The following CMSS1 variants were observed in gnomAD, a reference collection of about 807,000 sequenced individuals.
CMSS1 encodes cms1 ribosomal small subunit homolog.
In CMSS1, 33 loss-of-function variants were observed where a neutral mutation model predicts 43.5. The ratio of observed to expected loss-of-function variants is 0.76; its 90% CI spans 0.57 to 1.01. The LOEUF is 1.01. Ranked by LOEUF, CMSS1 falls within the 50% of genes least tolerant of loss-of-function variation. The pLI, the probability that CMSS1 is intolerant of heterozygous loss-of-function variation, is 0.00. For synonymous variants in CMSS1, 115 were observed against 117.2 expected, an observed-to-expected ratio of 0.98 and a Z score of 0.12; for missense variants, 313 against 326.4, an observed-to-expected ratio of 0.96 and a Z score of 0.32.
At chr3:100,012,974 T>C in intron 1 of CMSS1, among the ~76,000 whole-genome samples, 1 of 151,928 alleles carries the variant, frequency 6.6e-6, no homozygotes, top group South Asian at 2.1e-4. Context: ...TTTATTTATT[T>C]ATTTGGAGAG....
intron 1 of CMSS1, among the ~76,000 whole-genome samples, chr3:99,948,778 G>A (rs1352686107): frequency 2.0e-5 from 3 of 149,790 alleles, no homozygotes; most frequent in African/African-American, 7.5e-5. Flanking sequence ...AAGAAAAAGA[G>A]AAAGGAAAGA....
At chr3:99,849,358 C>T in intron 1 of CMSS1, 1 of 1,614,122 alleles carries the variant, frequency 6.2e-7, no homozygotes, top group Non-Finnish European at 8.5e-7. Flanking sequence ...ATGCCGGTAC[C>T]TCTCTAACTC....
intron 1 of CMSS1, among the ~76,000 whole-genome samples, chr3:99,857,359 C>T (rs905268787): frequency 1.3e-5 from 2 of 152,214 alleles, no homozygotes; most frequent in Admixed American, 6.5e-5. Flanking sequence ...CTTCAGATCC[C>T]TGCATTAGAA....
chr3:100,159,243 G>A (rs1423073226), intron 2 of CMSS1, among the ~76,000 whole-genome samples: 1 of 152,180 alleles, frequency 6.6e-6, no homozygotes, highest in Non-Finnish European at 1.5e-5. Flanking sequence ...TTATCTTAGA[G>A]GAAACTAAAA....
chr3:99,847,972 C>T lies in CMSS1; in HGVS notation c.64+29929C>T, dbSNP rs1032570932. ...ACTGTTTTATAATGTTAAAGTATTT[C>T]ACCAAGACAAGTTGCAGTCAAATTA... is the stretch of plus-strand genomic sequence containing the variant. On this transcript the variant is annotated intron_variant, in intron 1 of 9. Transcript: ENST00000421999. 1.2e-5 allele frequency: 13 copies of T among 1,052,814 alleles called. No individual in the cohort carries two copies. The Admixed American group carries it at 1.5e-4, about 12-fold the overall frequency. 65.2% of individuals were successfully genotyped at this position (1,052,814 alleles called of 1,614,324 possible).
chr3:100,084,974 C>G (rs1458895492), intron 1 of CMSS1, among the ~76,000 whole-genome samples: 1 of 152,188 alleles, frequency 6.6e-6, no homozygotes, highest in African/African-American at 2.4e-5. Flanking sequence ...CATTCTCTGT[C>G]CATGTCTTTA....
chr3:99,883,345 T>G (rs935758838), intron 1 of CMSS1, among the ~76,000 whole-genome samples: 22 of 152,240 alleles, frequency 1.4e-4, no homozygotes, highest in Admixed American at 5.9e-4. Flanking sequence ...AAAAGTCTTT[T>G]AAATATTTGA....
intron 1 of CMSS1, among the ~76,000 whole-genome samples, chr3:100,070,027 C>T (rs964627101): frequency 1.3e-5 from 2 of 151,954 alleles, no homozygotes; most frequent in African/African-American, 2.4e-5. Flanking sequence ...AAATAAAAAA[C>T]TCATGCGTTA....
At chr3:99,986,467 C>T (rs372598837) in intron 1 of CMSS1, among the ~76,000 whole-genome samples, 12 of 152,026 alleles carry the variant, frequency 7.9e-5, no homozygotes, top group Non-Finnish European at 1.5e-4. Context: ...ATACTAGTGA[C>T]GGTTAGTTTT....
chr3:100,096,783 A>G (rs1438970905), intron 1 of CMSS1, among the ~76,000 whole-genome samples: 1 of 152,232 alleles, frequency 6.6e-6, no homozygotes, highest in East Asian at 1.9e-4. Context: ...ATTGTTTGTA[A>G]CACAAAGGAT....
At position 100,181,166 on chromosome 3, in the gene CMSS1, C is replaced by G. The variant is rs2067182290; in HGVS notation, c.*2778C>G. The stretch of plus-strand genomic sequence containing the variant: ...CCCAACACTGGGAATTACAATTCGA[C>G]ATGAAACTTGGGTGGGGACACAGCC... On this transcript the variant is annotated 3_prime_UTR_variant, in exon 10 of 10. Coordinates refer to ENST00000421999, the MANE Select transcript of CMSS1 (RefSeq NM_032359.4). 1 of 152,206 alleles carries G rather than the reference C, an allele frequency of 6.6e-6. No homozygotes were observed. Among genetic ancestry groups the G allele is most frequent in the Non-Finnish European group, 1.5e-5 (1 of 68,042 alleles). The allele number at this position is 152,206 out of a possible 1,614,324, so 9.4% of individuals were successfully genotyped here.
chr3:100,101,797 T>G (rs1245947600), intron 1 of CMSS1, among the ~76,000 whole-genome samples: 1 of 151,844 alleles, frequency 6.6e-6, no homozygotes, highest in Admixed American at 6.6e-5. Context: ...CAGGCCCCAG[T>G]GTGTGATGTT....
intron 1 of CMSS1, among the ~76,000 whole-genome samples, chr3:100,026,873 A>T (rs535361456): frequency 6.6e-6 from 1 of 152,148 alleles, no homozygotes; most frequent in African/African-American, 2.4e-5. Flanking sequence ...ACAATCCTCC[A>T]AAGTCTCCGC....
chr3:100,145,572 C>T (rs1480282971), intron 1 of CMSS1, among the ~76,000 whole-genome samples: 1 of 152,182 alleles, frequency 6.6e-6, no homozygotes, highest in African/African-American at 2.4e-5. Flanking sequence ...GCCAGCCCAG[C>T]CCTAAGATCT....
intron 1 of CMSS1, among the ~76,000 whole-genome samples, chr3:100,118,714 A>G (rs1196248727): frequency 6.6e-6 from 1 of 152,168 alleles, no homozygotes; most frequent in Admixed American, 6.5e-5. Context: ...GTTGACCCCT[A>G]GGACAGAAAC....
At chr3:100,073,400 C>A (rs1317579958) in intron 1 of CMSS1, among the ~76,000 whole-genome samples, 1 of 152,120 alleles carries the variant, frequency 6.6e-6, no homozygotes, top group Non-Finnish European at 1.5e-5. Flanking sequence ...GCAAGCTGTC[C>A]TGTCATGAAA....
intron 1 of CMSS1, among the ~76,000 whole-genome samples, chr3:99,920,321 CT>C (rs1433185582): frequency 6.6e-6 from 1 of 151,956 alleles, no homozygotes; most frequent in African/African-American, 2.4e-5. Context: ...AATATGCAAG[CT>C]TTTTTGAAAG....
At chr3:100,074,135 A>T (rs1480153783) in intron 1 of CMSS1, among the ~76,000 whole-genome samples, 2 of 152,150 alleles carry the variant, frequency 1.3e-5, no homozygotes, top group East Asian at 3.9e-4. Context: ...CTGTAACCTC[A>T]AAAAGAGCTG....
intron 1 of CMSS1, among the ~76,000 whole-genome samples, chr3:100,024,373 C>T (rs1045337338): frequency 1.3e-5 from 2 of 152,054 alleles, no homozygotes; most frequent in African/African-American, 4.8e-5. Flanking sequence ...TAAATTTTGG[C>T]CCCTATAGAG....
Sources: allele counts gnomAD v4.1 joint callset (sites outside exome capture counted in the v4.1 genomes callset), GRCh38; gene constraint gnomAD v4.1.1; transcripts MANE v1.5; gene names NCBI Gene and HGNC (gene_info 2026-07-23, HGNC 2026-07-21).